The following DNAJA3 variants were observed in gnomAD, a reference collection of about 807,000 sequenced individuals.
DNAJA3 encodes dnaJ homolog subfamily A member 3, mitochondrial.
In DNAJA3, 29 loss-of-function variants were observed where a neutral mutation model predicts 54.9. That is an observed-to-expected ratio of 0.53 (90% CI 0.39 to 0.72). DNAJA3 has a LOEUF of 0.72. DNAJA3 is among the 30% of genes least tolerant of loss of function. DNAJA3 has a pLI of 0.00. For synonymous variants in DNAJA3, 302 were observed against 251.4 expected, an observed-to-expected ratio of 1.20 and a Z score of -1.90; for missense variants, 708 against 639.4, an observed-to-expected ratio of 1.11 and a Z score of -1.16.
chr16:4,455,928 G>T lies in DNAJA3; in HGVS notation c.*396G>T. 1 of 339,614 alleles carries T rather than the reference G, an allele frequency of 2.9e-6. No homozygotes were observed. Among genetic ancestry groups the T allele is most frequent in the East Asian group, 4.9e-5 (1 of 20,496 alleles). 21.0% of individuals were successfully genotyped at this position (339,614 alleles called of 1,614,324 possible). ...GAAGCCTTAAGCTGCATCAAGTTAC[G>T]AAGTGATTAATTTCCTTCTCAGCAA... On this transcript the variant is annotated 3_prime_UTR_variant, in exon 12 of 12. Coordinates refer to ENST00000262375, the MANE Select transcript of DNAJA3 (RefSeq NM_005147.6).
At chr16:4,439,489 A>T (rs1231037254) in intron 3 of DNAJA3, among the ~76,000 whole-genome samples, 1 of 152,114 alleles carries the variant, frequency 6.6e-6, no homozygotes, top group Non-Finnish European at 1.5e-5. Context: ...CTTCCTGAGT[A>T]GCTGGGACTA....
chr16:4,439,023 ATT>A (rs942359420), intron 3 of DNAJA3, among the ~76,000 whole-genome samples: 1 of 148,840 alleles, frequency 6.7e-6, no homozygotes, highest in African/African-American at 2.5e-5. Context: ...GATAAGATTA[ATT>A]TTTTTTTTTT....
intron 11 of DNAJA3, 62 bp from the exon 12 acceptor site, chr16:4,455,484 C>G: frequency 6.5e-7 from 1 of 1,540,544 alleles, no homozygotes; most frequent in Non-Finnish European, 8.8e-7. Context: ...CAGACGCTCC[C>G]CACAGGGGTG....
chr16:4,434,625 A>G, intron 2 of DNAJA3, 108 bp downstream of exon 2: 1 of 1,296,676 alleles, frequency 7.7e-7, no homozygotes, highest in Non-Finnish European at 1.1e-6. Flanking sequence ...AGGTCTCATG[A>G]GCTGATAGTA....
At chr16:4,435,449 C>G (rs534981741) in intron 2 of DNAJA3, among the ~76,000 whole-genome samples, 2 of 152,150 alleles carry the variant, frequency 1.3e-5, no homozygotes, top group Admixed American at 6.6e-5. Flanking sequence ...TTCATTACCT[C>G]GAAAAGAAAC....
intron 5 of DNAJA3, 54 bp from the exon 6 acceptor site, chr16:4,442,963 C>T (rs2056854608): frequency 3.0e-5 from 47 of 1,582,584 alleles, no homozygotes; most frequent in Non-Finnish European, 6.0e-6. Flanking sequence ...GGTCCCAGAA[C>T]CACCCATCAG....
chr16:4,448,244 C>CT, intron 8 of DNAJA3, among the ~76,000 whole-genome samples: 17 of 151,236 alleles, frequency 1.1e-4, no homozygotes, highest in African/African-American at 1.9e-4. Flanking sequence ...CCAGGAAGGT[C>CT]TCAATCACCT....
At chr16:4,432,104 TTC>T (rs2056710417) in intron 1 of DNAJA3, among the ~76,000 whole-genome samples, 2 of 151,362 alleles carry the variant, frequency 1.3e-5, no homozygotes, top group African/African-American at 4.9e-5. Flanking sequence ...TTTAGCCTAT[TTC>T]TGTCTCTCTC....
chr16:4,442,048 G>A (rs2056842518), intron 4 of DNAJA3, among the ~76,000 whole-genome samples: 1 of 152,076 alleles, frequency 6.6e-6, no homozygotes, highest in African/African-American at 2.4e-5. Context: ...TTGAAAGTAC[G>A]TTTTCATTTA....
At chr16:4,441,141 G>A (rs889409285) in intron 3 of DNAJA3, 11 of 556,298 alleles carry the variant, frequency 2.0e-5, no homozygotes, top group African/African-American at 5.6e-5. Context: ...GCGCGACGGC[G>A]GGAGAGTTCG....
rs750067919 is a variant in DNAJA3, at chr16:4,448,766, C to T, written c.1159C>T (p.Arg387Trp). 23 of 1,613,958 alleles carry T rather than the reference C, an allele frequency of 1.4e-5. No homozygotes were observed. Among genetic ancestry groups the T allele is most frequent in the Admixed American group, 8.3e-5 (5 of 59,986 alleles). The change falls in exon 9 of 12, where the codon CGG becomes TGG. Residue 387 changes from arginine to tryptophan, a missense_variant. Coordinates refer to ENST00000262375, the MANE Select transcript of DNAJA3 (RefSeq NM_005147.6). ...TGGGACTCAGACAGACCAGAAGATT[C>T]GGATGGGTGGGAAAGGCATCCCCCG... ...PPGTQTDQKI[R>W]MGGKGIPRIN... is the part of the protein sequence containing the mutation.
rs144202511 is a variant in DNAJA3, at chr16:4,454,835, C to T, written c.1364C>T (p.Ala455Val). The part of the protein sequence containing the change: ...SSGGSTMDSS[A>V]GSKARREAGE... ...GGTGGCAGCACCATGGATAGCTCCGCAGGAAGCAAGGCTAGGCGTGAGGCT... is the reference window on the plus strand; with the variant it reads ...GGTGGCAGCACCATGGATAGCTCCGTAGGAAGCAAGGCTAGGCGTGAGGCT... The change falls in exon 11 of 12, where the codon GCA becomes GTA. Residue 455 changes from alanine to valine, a missense_variant. Ala to Val is a moderately conservative substitution (Grantham distance 64). Transcript: ENST00000262375. The T allele has an allele frequency of 6.2e-7, 1 of 1,613,848 alleles. No homozygotes were observed. Among genetic ancestry groups the T allele is most frequent in the Non-Finnish European group, 8.5e-7 (1 of 1,179,906 alleles).
intron 2 of DNAJA3, among the ~76,000 whole-genome samples, chr16:4,436,455 C>A (rs2056773222): frequency 6.6e-6 from 1 of 152,194 alleles, no homozygotes. Flanking sequence ...AAAGCTGTAG[C>A]AATTACTGTA....
chr16:4,444,737 C>G lies in DNAJA3; in HGVS notation c.996+9C>G. ...TTTTCATTACGTTCAGGGTAGGTGC[C>G]CTGCCCCGCACAGCTTCTGTTGGGC... On this transcript the variant is annotated intron_variant, in intron 7 of 11. Coordinates refer to ENST00000262375, the MANE Select transcript of DNAJA3 (RefSeq NM_005147.6). 1 of 1,613,614 alleles carries G rather than the reference C, an allele frequency of 6.2e-7. No homozygotes were observed. Among genetic ancestry groups the G allele is most frequent in the Non-Finnish European group, 8.5e-7 (1 of 1,179,688 alleles).
intron 6 of DNAJA3, among the ~76,000 whole-genome samples, chr16:4,443,370 T>C (rs1229597618): frequency 1.3e-5 from 2 of 152,042 alleles, no homozygotes; most frequent in African/African-American, 4.8e-5. Context: ...CTGCCAGTTA[T>C]CCTTAAAATT....
In DNAJA3 at chr16:4,426,067, A is replaced by G. The variant is rs768143541; in HGVS notation, c.186A>G (p.Thr62=). The G allele has an allele frequency of 1.1e-5, 18 of 1,601,504 alleles. No individual in the cohort carries two copies. The highest frequency in any genetic ancestry group is 3.4e-5 in the Admixed American group (2 of 59,134). The change falls in exon 1 of 12, where the codon ACA becomes ACG. Residue 62 remains threonine, a synonymous_variant. Transcript: ENST00000262375. ...LTSCGPRALL[T]LRPGVSLTGT... Reference sequence around the variant, plus strand: ...CTTGCGGCCCCCGAGCGCTGCTGACATTGAGACCTGGTGTCAGCCTTACAG... The same window carrying G: ...CTTGCGGCCCCCGAGCGCTGCTGACGTTGAGACCTGGTGTCAGCCTTACAG...
chr16:4,455,455 G>A (rs1392593781), intron 11 of DNAJA3, 91 bp from the exon 12 acceptor site: 8 of 1,472,774 alleles, frequency 5.4e-6, no homozygotes, highest in African/African-American at 2.8e-5. Context: ...TCTTGGCACA[G>A]CTGCTTTCCA....
At chr16:4,443,200 A>G in intron 6 of DNAJA3, 36 bp downstream of exon 6, 1 of 1,611,804 alleles carries the variant, frequency 6.2e-7, no homozygotes, top group Non-Finnish European at 8.5e-7. Context: ...AGGAGCTTGG[A>G]GAGGGCAGAC....
At chr16:4,427,372 A>G (rs761065337) in intron 1 of DNAJA3, 1 of 152,252 alleles carries the variant, frequency 6.6e-6, no homozygotes, top group Non-Finnish European at 1.5e-5. Context: ...GATAATTTAT[A>G]CCAACTAACT....
Sources: gnomAD v4.1 joint callset for allele counts (sites outside exome capture counted in the v4.1 genomes callset) on GRCh38, gnomAD v4.1.1 for gene constraint, MANE v1.5 for transcripts, NCBI Gene and HGNC (gene_info 2026-07-23, HGNC 2026-07-21) for gene names.